Variants in TDRD9 observed in about 807,000 individuals in gnomAD.
TDRD9 encodes the protein tudor domain containing 9.
A neutral mutation model predicts 172.6 loss-of-function variants in TDRD9; 124 were observed. The observed-to-expected ratio is 0.72, with a 90% CI of 0.62 to 0.83. The LOEUF (loss-of-function observed/expected upper bound fraction) is 0.83, where lower values mean the gene tolerates loss of function less well. Among genes scored for constraint, TDRD9 ranks in the 40% least tolerant of loss-of-function variants. TDRD9 has a pLI of 0.00. For missense variants in TDRD9, 1,479 were observed against 1,714.1 expected (o/e 0.86, Z 2.42); for synonymous variants, 619 against 617.1 (o/e 1.00, Z -0.05).
At chr14:104,047,015 T>A (rs917685913) in intron 34 of TDRD9, among the ~76,000 whole-genome samples, 7 of 152,226 alleles carry the variant, frequency 4.6e-5, no homozygotes, top group Admixed American at 2.0e-4. Flanking sequence ...TGGATCAGCT[T>A]GTCAGTTTGT....
In TDRD9 at chr14:104,006,552, T is replaced by C. The variant is rs1240981586; in HGVS notation, c.1877T>C (p.Ile626Thr). ...GGATGTCTAGATGAATGTCTTATTA[T>C]AGGTAAGTGTGAGAACAAATAAATG... is the stretch of plus-strand genomic sequence containing the variant. ...VFGCLDECLIIAAALSLKNFF... is the reference protein window; with the variant it reads ...VFGCLDECLITAAALSLKNFF... Residue 626 changes from isoleucine (I) to threonine (T), a missense_variant and splice_region_variant, in exon 16 of 36, where the codon ATA becomes ACA. Transcript: ENST00000409874. 3.7e-6 allele frequency: 6 copies of C among 1,613,350 alleles called. No homozygotes were observed. Among genetic ancestry groups the C allele is most frequent in the Non-Finnish European group, 5.1e-6 (6 of 1,179,446 alleles).
chr14:103,942,001 T>C (rs1191731494), intron 1 of TDRD9: 5 of 296,016 alleles, frequency 1.7e-5, no homozygotes, highest in African/African-American at 6.6e-5. Flanking sequence ...TGTGAAAAGT[T>C]CTTAAGAGAC....
intron 20 of TDRD9, among the ~76,000 whole-genome samples, chr14:104,011,857 A>G (rs2152226308): frequency 6.6e-6 from 1 of 152,286 alleles, no homozygotes; most frequent in East Asian, 1.9e-4. Flanking sequence ...AAAAGCTGTT[A>G]TGCTTATGCT....
intron 9 of TDRD9, among the ~76,000 whole-genome samples, chr14:103,992,158 C>A (rs2033893876): frequency 6.6e-6 from 1 of 152,108 alleles, no homozygotes; most frequent in Admixed American, 6.6e-5. Context: ...TTTTAAAATA[C>A]CTTTCTGAAA....
chr14:103,983,465 C>A (rs1438295230), intron 7 of TDRD9, among the ~76,000 whole-genome samples: 1 of 152,076 alleles, frequency 6.6e-6, no homozygotes, highest in Non-Finnish European at 1.5e-5. Flanking sequence ...TCTCTGATCA[C>A]CTGAAGACTT....
At chr14:104,017,182 T>C (rs959939872) in intron 22 of TDRD9, among the ~76,000 whole-genome samples, 1 of 151,980 alleles carries the variant, frequency 6.6e-6, no homozygotes, top group Non-Finnish European at 1.5e-5. Flanking sequence ...GAGGAAGGGT[T>C]CTATAGGTCT....
chr14:104,045,835 C>T (rs2035757531), intron 34 of TDRD9, among the ~76,000 whole-genome samples: 1 of 152,230 alleles, frequency 6.6e-6, no homozygotes, highest in African/African-American at 2.4e-5. Context: ...AGGCCCTGGC[C>T]AGGTGCTAGA....
At chr14:104,029,494 A>G (rs542255210) in intron 28 of TDRD9, among the ~76,000 whole-genome samples, 2 of 152,114 alleles carry the variant, frequency 1.3e-5, no homozygotes, top group Non-Finnish European at 2.9e-5. Context: ...GGTGTATAGA[A>G]ATGCTACTGA....
chr14:104,034,482 G>T (rs1234938164), intron 31 of TDRD9, among the ~76,000 whole-genome samples: 1 of 152,192 alleles, frequency 6.6e-6, no homozygotes. Context: ...GAGCCACCGC[G>T]CCCAGCTTAC....
At chr14:103,950,819 C>T (rs2031835181) in intron 1 of TDRD9, among the ~76,000 whole-genome samples, 1 of 152,180 alleles carries the variant, frequency 6.6e-6, no homozygotes, top group Admixed American at 6.5e-5. Flanking sequence ...AGGAGTCTCA[C>T]ACTTGTATGT....
intron 5 of TDRD9, among the ~76,000 whole-genome samples, chr14:103,968,272 C>T (rs908837280): frequency 6.6e-6 from 1 of 152,256 alleles, no homozygotes; most frequent in Non-Finnish European, 1.5e-5. Context: ...CCTGCTCTGC[C>T]TCTGTCTGGT....
At chr14:104,004,859 C>T (rs539046388) in intron 14 of TDRD9, among the ~76,000 whole-genome samples, 18 of 152,234 alleles carry the variant, frequency 1.2e-4, no homozygotes, top group Non-Finnish European at 2.2e-4. Context: ...TCTATGGGCT[C>T]TATAATAGGA....
At chr14:103,952,806 T>C (rs2032007199) in intron 1 of TDRD9, among the ~76,000 whole-genome samples, 1 of 146,316 alleles carries the variant, frequency 6.8e-6, no homozygotes, top group Admixed American at 7.0e-5. Context: ...TGGTGCGATC[T>C]TGGTGTACTG....
chr14:103,930,508 T>C (rs1030349365), intron 1 of TDRD9, among the ~76,000 whole-genome samples: 4 of 152,236 alleles, frequency 2.6e-5, no homozygotes, highest in Non-Finnish European at 5.9e-5. Context: ...CTCTTGTTTG[T>C]TAGTCTTGTC....
Position 104,005,379 on chromosome 14 carries a change from G to A in TDRD9, c.1687G>A (p.Glu563Lys). ...ALSPPGLSDI[E>K]RTILLLKEVG... ...TTCCCCGCCTGGTCTGAGTGACATT[G>A]AGCGCACCATCCTTCTACTAAAGGA... The change falls in exon 15 of 36, where the codon GAG becomes AAG. Residue 563 changes from glutamate (E) to lysine (K), a missense_variant. Physicochemically the swap from Glu to Lys is moderately conservative, Grantham distance 56. This residue lies in a region of TDRD9 where 1,413 missense variants were observed against 1,649.1 expected (regional missense o/e 0.86). Transcript: ENST00000409874. 1 of 1,613,944 alleles carries A rather than the reference G, an allele frequency of 6.2e-7. No individual in the cohort carries two copies.
chr14:103,994,661 C>G (rs1445825336), intron 11 of TDRD9, 58 bp downstream of exon 11: 8 of 1,415,354 alleles, frequency 5.7e-6, no homozygotes, highest in Non-Finnish European at 5.9e-6. Context: ...CTTAGAGACT[C>G]TACTCATGAA....
intron 35 of TDRD9, 49 bp downstream of exon 35, chr14:104,049,729 G>C (rs1451655408): frequency 1.7e-5 from 25 of 1,489,856 alleles, no homozygotes; most frequent in Non-Finnish European, 2.3e-5. Context: ...GTGGAGGAGG[G>C]GACAGGCCCT....
intron 1 of TDRD9, among the ~76,000 whole-genome samples, chr14:103,943,950 A>T (rs974041547): frequency 1.3e-5 from 2 of 152,230 alleles, no homozygotes; most frequent in African/African-American, 4.8e-5. Flanking sequence ...TTCACATGAC[A>T]TTGCATATAC....
At chr14:104,039,630 C>T (rs905011859) in intron 32 of TDRD9, among the ~76,000 whole-genome samples, 7 of 152,204 alleles carry the variant, frequency 4.6e-5, no homozygotes, top group Admixed American at 3.9e-4. Flanking sequence ...TTGGACCAGG[C>T]TGTTGGCCGC....
Sources: gnomAD v4.1 joint callset for allele counts (sites outside exome capture counted in the v4.1 genomes callset) on GRCh38, gnomAD v4.1.1 for gene constraint, gnomAD v4.1.1 regional missense constraint, MANE v1.5 for transcripts, NCBI Gene and HGNC (gene_info 2026-07-23, HGNC 2026-07-21) for gene names.